The following C1orf21 variants were observed in gnomAD, a reference collection of about 807,000 sequenced individuals.
C1orf21 encodes uncharacterized protein C1orf21.
A neutral mutation model predicts 18.7 loss-of-function variants in C1orf21; 3 were observed. That is an observed-to-expected ratio of 0.16 (90% CI 0.07 to 0.42). C1orf21 has a LOEUF of 0.42. Among genes scored for constraint, C1orf21 ranks in the 10% least tolerant of loss-of-function variants. C1orf21 has a pLI of 0.99. For synonymous variants in C1orf21, 41 were observed against 46.4 expected (o/e 0.88, Z 0.47); for missense variants, 104 against 143.6 (o/e 0.72, Z 1.41).
intron 1 of C1orf21, among the ~76,000 whole-genome samples, chr1:184,410,663 A>ATATTTTTTTTT (rs67546366): frequency 2.6e-4 from 2 of 7,678 alleles, no homozygotes; most frequent in Non-Finnish European, 1.9e-4. Flanking sequence ...ATATATATAT[A>ATATTTTTTTTT]TTTTTTTTTT....
chr1:184,442,541 G>C (rs1656965016), intron 1 of C1orf21, among the ~76,000 whole-genome samples: 2 of 152,162 alleles, frequency 1.3e-5, no homozygotes, highest in Admixed American at 1.3e-4. Context: ...CAGATATAGG[G>C]CCTAGAATTA....
chr1:184,436,300 C>G (rs771669496), intron 1 of C1orf21, among the ~76,000 whole-genome samples: 48 of 152,098 alleles, frequency 3.2e-4, no homozygotes, highest in Non-Finnish European at 4.0e-4. Flanking sequence ...TACGGCATCT[C>G]TTTTCTTTAT....
At chr1:184,491,523 TG>T (rs1657816662) in intron 2 of C1orf21, among the ~76,000 whole-genome samples, 1 of 152,166 alleles carries the variant, frequency 6.6e-6, no homozygotes, top group Non-Finnish European at 1.5e-5. Flanking sequence ...GCTAATTTTT[TG>T]TATTTTTAGT....
intron 3 of C1orf21, among the ~76,000 whole-genome samples, chr1:184,562,290 G>T (rs1332389172): frequency 2.0e-5 from 3 of 152,152 alleles, no homozygotes; most frequent in Non-Finnish European, 4.4e-5. Flanking sequence ...AATTTTCAAA[G>T]AGTAAATTAT....
intron 1 of C1orf21, among the ~76,000 whole-genome samples, chr1:184,471,071 A>G (rs1210757385): frequency 1.3e-5 from 2 of 152,150 alleles, no homozygotes; most frequent in Non-Finnish European, 2.9e-5. Context: ...GCCATGCATG[A>G]GCTCATGTCA....
Position 184,501,552 on chromosome 1 carries a change from T to G in C1orf21, c.95-6036T>G, listed in dbSNP as rs115743800. Among the ~76,000 whole-genome samples the G allele has an allele frequency of 8.2e-3, 1,244 of 152,348 alleles. 14 individuals carry two copies. The highest frequency in any genetic ancestry group is 0.028 in the African/African-American group (1,183 of 41,576). On this transcript the variant is annotated intron_variant, in intron 2 of 5. Transcript: ENST00000235307. ...AAACTGTACACACTACTTTCTTATT[T>G]TCTTACATCCTCTCCTACTCGCCAT...
chr1:184,613,230 G>A (rs1571302309), intron 5 of C1orf21, among the ~76,000 whole-genome samples: 2 of 152,198 alleles, frequency 1.3e-5, no homozygotes, highest in Admixed American at 1.3e-4. Context: ...GCTTACAGGT[G>A]TGAGCCTAAT....
chr1:184,404,965 A>G (rs1015194699), intron 1 of C1orf21, among the ~76,000 whole-genome samples: 1 of 152,168 alleles, frequency 6.6e-6, no homozygotes, highest in African/African-American at 2.4e-5. Context: ...TACCCTGGAC[A>G]TTAAAACCTT....
chr1:184,466,600 G>C (rs1005778147), intron 1 of C1orf21, among the ~76,000 whole-genome samples: 1 of 152,154 alleles, frequency 6.6e-6, no homozygotes, highest in African/African-American at 2.4e-5. Flanking sequence ...ATTGATTTGT[G>C]CTACCTGAAA....
intron 3 of C1orf21, among the ~76,000 whole-genome samples, chr1:184,586,352 G>T (rs112769312): frequency 3.5e-5 from 5 of 144,086 alleles, no homozygotes; most frequent in African/African-American, 1.3e-4. Flanking sequence ...GTGCAATCTC[G>T]GCTCACTGCA....
At chr1:184,584,713 A>T (rs1659329341) in intron 3 of C1orf21, among the ~76,000 whole-genome samples, 2 of 152,248 alleles carry the variant, frequency 1.3e-5, no homozygotes, top group Admixed American at 1.3e-4. Context: ...TGGTGTATCC[A>T]TACATTGGAA....
At chr1:184,577,879 A>G (rs1296920389) in intron 3 of C1orf21, among the ~76,000 whole-genome samples, 2 of 152,120 alleles carry the variant, frequency 1.3e-5, no homozygotes, top group Admixed American at 1.3e-4. Flanking sequence ...TACCCACCAG[A>G]AAAATCTAGT....
chr1:184,553,044 A>G (rs886481574), intron 3 of C1orf21, among the ~76,000 whole-genome samples: 2 of 152,208 alleles, frequency 1.3e-5, no homozygotes, highest in African/African-American at 4.8e-5. Context: ...CCTGGTGGTC[A>G]TAATAGGTGC....
intron 5 of C1orf21, among the ~76,000 whole-genome samples, chr1:184,601,909 A>AT (rs1212298235): frequency 1.3e-5 from 2 of 152,052 alleles, no homozygotes; most frequent in African/African-American, 4.8e-5. Context: ...TCAAAAAAAA[A>AT]AATAATAAAA....
chr1:184,438,482 A>G (rs894556647), intron 1 of C1orf21, among the ~76,000 whole-genome samples: 5 of 152,134 alleles, frequency 3.3e-5, no homozygotes, highest in Admixed American at 3.3e-4. Context: ...CCATAGTGCA[A>G]TGTTTCCAGA....
chr1:184,466,091 T>G (rs1333210279), intron 1 of C1orf21, among the ~76,000 whole-genome samples: 1 of 152,202 alleles, frequency 6.6e-6, no homozygotes, highest in East Asian at 1.9e-4. Flanking sequence ...TGGAGAACAT[T>G]GGCTGATTTA....
At chr1:184,507,038 A>G (rs1170101250) in intron 2 of C1orf21, among the ~76,000 whole-genome samples, 1 of 151,360 alleles carries the variant, frequency 6.6e-6, no homozygotes, top group Non-Finnish European at 1.5e-5. Flanking sequence ...ATAATTGCAG[A>G]CTGCTAAAAT....
intron 4 of C1orf21, among the ~76,000 whole-genome samples, chr1:184,595,817 A>G (rs1659506512): frequency 6.6e-6 from 1 of 152,162 alleles, no homozygotes; most frequent in Admixed American, 6.5e-5. Flanking sequence ...CATGCACCGT[A>G]CTTCAAGATG....
intron 1 of C1orf21, among the ~76,000 whole-genome samples, chr1:184,419,860 C>G (rs1179537826): frequency 6.6e-6 from 1 of 152,106 alleles, no homozygotes; most frequent in Non-Finnish European, 1.5e-5. Context: ...AAAGAGGAGG[C>G]AAGGGCACAG....
Sources: allele counts gnomAD v4.1 joint callset (sites outside exome capture counted in the v4.1 genomes callset), GRCh38; gene constraint gnomAD v4.1.1; transcripts MANE v1.5; gene names NCBI Gene and HGNC (gene_info 2026-07-23, HGNC 2026-07-21).